GPAT3: variants seen among roughly 807,000 people sequenced by gnomAD.
The protein encoded by GPAT3 is glycerol-3-phosphate acyltransferase 3.
GPAT3 carries 53 observed loss-of-function variants against 58.8 expected under a neutral mutation model. That is an observed-to-expected ratio of 0.90 (90% CI 0.72 to 1.13). GPAT3 has a LOEUF of 1.13. Ranked by LOEUF, GPAT3 falls within the 50% of genes most tolerant of loss-of-function variation. The pLI is 0.00. For missense variants in GPAT3, 511 were observed against 527.6 expected, an observed-to-expected ratio of 0.97 and a Z score of 0.31; for synonymous variants, 197 against 187.4, an observed-to-expected ratio of 1.05 and a Z score of -0.42.
At chr4:83,595,073 C>A in intron 7 of GPAT3, 113 bp downstream of exon 7, 2 of 851,162 alleles carry the variant, frequency 2.3e-6, no homozygotes, top group East Asian at 5.2e-5. Context: ...AAACAGAGCC[C>A]TGTTTGCTGT....
In GPAT3 at chr4:83,593,471, T is replaced by G. The variant is rs1455238394; in HGVS notation, c.739-1374T>G. On this transcript the variant is annotated intron_variant, in intron 6 of 11. Coordinates refer to ENST00000264409, the MANE Select transcript of GPAT3 (RefSeq NM_032717.5). ...GTGAACCACCACATCTGGCCTATAT[T>G]TACTATTTATTTCTAATATTTACAT... Among the ~76,000 whole-genome samples, 3 of 152,194 alleles carry G rather than the reference T, an allele frequency of 2.0e-5. No individual in the cohort carries two copies. The East Asian group carries it at 5.8e-4, about 29-fold the overall frequency.
chr4:83,595,072 C>T (rs2110107798), intron 7 of GPAT3, 112 bp downstream of exon 7: 8 of 861,960 alleles, frequency 9.3e-6, no homozygotes, highest in Non-Finnish European at 1.3e-5. Context: ...GAAACAGAGC[C>T]CTGTTTGCTG....
intron 2 of GPAT3, among the ~76,000 whole-genome samples, chr4:83,579,070 CTTTCT>C (rs1725987401): frequency 5.6e-5 from 2 of 35,662 alleles, no homozygotes; most frequent in Non-Finnish European, 1.2e-4. Flanking sequence ...TTCTTTCTTT[CTTTCT>C]TTCTTCCCTT....
chr4:83,549,441 T>TTACG (rs1724663424), intron 2 of GPAT3, among the ~76,000 whole-genome samples: 1 of 122,146 alleles, frequency 8.2e-6, no homozygotes, highest in African/African-American at 3.3e-5. Context: ...CTTTTTTATT[T>TTACG]TGCGTGTGTG....
chr4:83,594,746 A>T, intron 6 of GPAT3, 99 bp from the exon 7 acceptor site: 1 of 953,522 alleles, frequency 1.0e-6, no homozygotes, highest in Non-Finnish European at 1.6e-6. Flanking sequence ...AAGGCCAATC[A>T]TATTTTTGAG....
intron 2 of GPAT3, among the ~76,000 whole-genome samples, chr4:83,565,616 C>G (rs1263943619): frequency 1.3e-5 from 2 of 152,192 alleles, no homozygotes; most frequent in Non-Finnish European, 2.9e-5. Flanking sequence ...CTGCCTCAGC[C>G]TCCCTAGTAG....
At chr4:83,579,081 CCCTTCCTTCCTTCCTTCCTT>C (rs778000097) in intron 2 of GPAT3, among the ~76,000 whole-genome samples, 5 of 19,680 alleles carry the variant, frequency 2.5e-4, no homozygotes, top group Admixed American at 7.2e-4. Flanking sequence ...TTTCTTTCTT[CCCTTCCTTCCTTCCTTCCTT>C]CCTTCCTTCC....
rs1351595056 is a variant in GPAT3 at position 83,579,114 on chromosome 4, CCTTCCTTCCTTCCTTT to C, written c.209-2444_209-2429del. ...TCCTTCCTTCCTTCCTTCCTTCCTT[CCTTCCTTCCTTCCTTT>C]CTTTCTCCCTCCCTCCCTCTCTCTC... On this transcript the variant is annotated intron_variant, in intron 2 of 11. Transcript: ENST00000264409. Among the ~76,000 whole-genome samples the C allele has an allele frequency of 3.7e-4, 44 of 119,024 alleles. 1 individual carries two copies. The highest frequency in any genetic ancestry group is 1.6e-3 in the East Asian group (6 of 3,700). 78.1% of individuals were successfully genotyped at this position (119,024 alleles called of 152,430 possible).
At chr4:83,604,291 G>A (rs1046134952) in intron 11 of GPAT3, among the ~76,000 whole-genome samples, 3 of 152,078 alleles carry the variant, frequency 2.0e-5, no homozygotes, top group Non-Finnish European at 2.9e-5. Context: ...GGCTGGTCTC[G>A]AACTCCTGAT....
At chr4:83,598,030 A>G (rs776753335) in intron 9 of GPAT3, 21 bp from the exon 10 acceptor site, 2 of 1,612,206 alleles carry the variant, frequency 1.2e-6, no homozygotes, top group East Asian at 2.2e-5. Flanking sequence ...CATAACTGAG[A>G]TGTATTTTCT....
chr4:83,535,981 G>C (rs749540060), upstream of GPAT3: 3 of 985,394 alleles, frequency 3.0e-6, no homozygotes, highest in African/African-American at 3.5e-5. Flanking sequence ...GGGGAAGAAC[G>C]GAGACCGCCC....
chr4:83,570,277 C>T (rs1433032398), intron 2 of GPAT3, among the ~76,000 whole-genome samples: 4 of 152,140 alleles, frequency 2.6e-5, no homozygotes, highest in African/African-American at 7.2e-5. Context: ...GGAGATAATA[C>T]AGAATACCTC....
chr4:83,574,413 T>C (rs1725710379), intron 2 of GPAT3, among the ~76,000 whole-genome samples: 2 of 152,154 alleles, frequency 1.3e-5, no homozygotes, highest in South Asian at 4.1e-4. Flanking sequence ...AGGCCTTTCG[T>C]ATCTGGTATT....
intron 3 of GPAT3, among the ~76,000 whole-genome samples, chr4:83,582,427 G>A (rs191764929): frequency 2.0e-5 from 3 of 152,348 alleles, no homozygotes; most frequent in Admixed American, 1.3e-4. Context: ...GCAGTGTCAA[G>A]CCTAGTTTAT....
intron 2 of GPAT3, among the ~76,000 whole-genome samples, chr4:83,578,874 T>TTCCC (rs1298084222): frequency 2.0e-5 from 3 of 151,504 alleles, no homozygotes; most frequent in Non-Finnish European, 4.4e-5. Context: ...CCTTCCTTCC[T>TTCCC]TCCCTCCCTT....
At chr4:83,583,279 C>T (rs188500661) in intron 3 of GPAT3, among the ~76,000 whole-genome samples, 62 of 150,718 alleles carry the variant, frequency 4.1e-4, no homozygotes, top group African/African-American at 1.5e-3. Flanking sequence ...GGCAACAGAG[C>T]GAGACTGCGT....
chr4:83,583,384 A>C (rs1331777773), intron 3 of GPAT3, among the ~76,000 whole-genome samples: 1 of 149,932 alleles, frequency 6.7e-6, no homozygotes, highest in East Asian at 2.0e-4. Flanking sequence ...TAAAAAGAAA[A>C]AGCCCAGGGG....
intron 2 of GPAT3, among the ~76,000 whole-genome samples, chr4:83,548,193 G>A (rs959430599): frequency 2.0e-5 from 3 of 151,578 alleles, no homozygotes; most frequent in Non-Finnish European, 3.0e-5. Context: ...ATAATGGCTC[G>A]TTTGCTTCTT....
chr4:83,587,405 T>C, intron 4 of GPAT3, 76 bp downstream of exon 4: 1 of 1,298,414 alleles, frequency 7.7e-7, no homozygotes, highest in Non-Finnish European at 1.1e-6. Flanking sequence ...AGAATATTTG[T>C]TTGATTCCTA....
Sources: gnomAD v4.1 joint callset for allele counts (sites outside exome capture counted in the v4.1 genomes callset) on GRCh38, gnomAD v4.1.1 for gene constraint, MANE v1.5 for transcripts, NCBI Gene and HGNC (gene_info 2026-07-23, HGNC 2026-07-21) for gene names.